Variants in AFF3 observed in about 807,000 individuals in gnomAD.
The protein encoded by AFF3 is AF4/FMR2 family member 3.
In AFF3, 32 loss-of-function variants were observed where a neutral mutation model predicts 129.7. That is an observed-to-expected ratio of 0.25 (90% confidence interval 0.19 to 0.33). AFF3 has a LOEUF of 0.33. Among genes scored for constraint, AFF3 ranks in the 10% least tolerant of loss-of-function variants. The pLI, the probability that AFF3 is intolerant of heterozygous loss-of-function variation, is 1.00. For missense variants in AFF3, 1,373 were observed against 1,592.0 expected (o/e 0.86, Z 2.34); for synonymous variants, 644 against 635.4 (o/e 1.01, Z -0.20).
chr2:100,026,341 C>T (rs1307473781), intron 4 of AFF3, among the ~76,000 whole-genome samples: 1 of 152,112 alleles, frequency 6.6e-6, no homozygotes, highest in Admixed American at 6.5e-5. Context: ...ATCAAAACCA[C>T]AATGTGATGC....
chr2:99,924,954 C>T (rs980428729), intron 7 of AFF3, among the ~76,000 whole-genome samples: 1 of 151,680 alleles, frequency 6.6e-6, no homozygotes, highest in Non-Finnish European at 1.5e-5. Flanking sequence ...TGGCTCACTG[C>T]AGCCTTGACC....
At chr2:99,754,561 C>T (rs772022167) in intron 8 of AFF3, among the ~76,000 whole-genome samples, 74 of 152,136 alleles carry the variant, frequency 4.9e-4, no homozygotes, top group Non-Finnish European at 9.0e-4. Context: ...ATTATTTCAG[C>T]GTGTCCTCCA....
intron 7 of AFF3, among the ~76,000 whole-genome samples, chr2:99,887,893 G>A (rs1028524923): frequency 1.2e-4 from 19 of 152,156 alleles, no homozygotes; most frequent in Non-Finnish European, 2.4e-4. Flanking sequence ...GCTGTGTAGG[G>A]AAGAGACAGG....
At chr2:99,933,771 G>A (rs1674266642) in intron 7 of AFF3, among the ~76,000 whole-genome samples, 1 of 152,152 alleles carries the variant, frequency 6.6e-6, no homozygotes, top group Admixed American at 6.5e-5. Flanking sequence ...TTGGTTCCAA[G>A]TCTTTGCTAT....
In AFF3 at chr2:99,880,233, G is replaced by A. The variant is rs191413710; in HGVS notation, c.874-42709C>T. On this transcript the variant is annotated intron_variant, in intron 7 of 24. Coordinates refer to ENST00000672756, the MANE Select transcript of AFF3 (RefSeq NM_001386135.1). ...CCTGGAACGGGAGTGAAATGACAAC[G>A]AAACATTTGTACATGTTATTAAAGC... 3.3e-4 allele frequency among the ~76,000 whole-genome samples: 50 copies of A among 152,276 alleles called. No homozygotes were observed. The East Asian group carries it at 6.6e-3, about 20-fold the overall frequency.
chr2:99,861,038 T>G (rs10177640), intron 7 of AFF3, among the ~76,000 whole-genome samples: 147 of 152,282 alleles, frequency 9.7e-4, no homozygotes, highest in African/African-American at 3.4e-3. Context: ...CAGCTCCCCC[T>G]TTGAATTTAG....
chr2:99,788,141 T>TA (rs1227513640), intron 8 of AFF3, among the ~76,000 whole-genome samples: 1 of 152,202 alleles, frequency 6.6e-6, no homozygotes, highest in Non-Finnish European at 1.5e-5. Flanking sequence ...GTACAGTACA[T>TA]ACTATTTCAT....
At chr2:99,666,562 A>G (rs149756737) in intron 12 of AFF3, among the ~76,000 whole-genome samples, 1 of 152,320 alleles carries the variant, frequency 6.6e-6, no homozygotes, top group East Asian at 1.9e-4. Flanking sequence ...CAATAATTAC[A>G]TTAAATGTAA....
intron 8 of AFF3, among the ~76,000 whole-genome samples, chr2:99,816,290 T>C (rs1687228429): frequency 6.6e-6 from 1 of 152,250 alleles, no homozygotes; most frequent in Admixed American, 6.5e-5. Context: ...ACATATTGAT[T>C]GTAGCCATTT....
chr2:99,832,342 G>C (rs949661337), intron 8 of AFF3, among the ~76,000 whole-genome samples: 5 of 152,204 alleles, frequency 3.3e-5, no homozygotes, highest in African/African-American at 1.2e-4. Flanking sequence ...TGGACTTCCA[G>C]TATTCCTTTA....
At chr2:100,056,078 C>G (rs1324119526) in intron 4 of AFF3, among the ~76,000 whole-genome samples, 2 of 150,742 alleles carry the variant, frequency 1.3e-5, no homozygotes, top group Non-Finnish European at 3.0e-5. Context: ...CACACACACA[C>G]ACACACACAC....
At chr2:99,556,963 A>G (rs1239913642) in intron 22 of AFF3, among the ~76,000 whole-genome samples, 1 of 152,132 alleles carries the variant, frequency 6.6e-6, no homozygotes, top group Admixed American at 6.6e-5. Context: ...TTCAGTTATC[A>G]GGAATAAGTT....
chr2:100,125,919 T>A (rs1692167442), intron 2 of AFF3, among the ~76,000 whole-genome samples: 1 of 152,180 alleles, frequency 6.6e-6, no homozygotes, highest in Non-Finnish European at 1.5e-5. Flanking sequence ...AGGATGCTGA[T>A]GAACTGCTCA....
At chr2:100,035,752 T>C (rs1000114972) in intron 4 of AFF3, among the ~76,000 whole-genome samples, 2 of 152,208 alleles carry the variant, frequency 1.3e-5, no homozygotes, top group African/African-American at 4.8e-5. Context: ...ATATAGGATG[T>C]ATGTGATCTT....
At chr2:99,556,174 T>C (rs546793401) in intron 22 of AFF3, among the ~76,000 whole-genome samples, 1 of 152,326 alleles carries the variant, frequency 6.6e-6, no homozygotes, top group South Asian at 2.1e-4. Flanking sequence ...AAGAAGGCAG[T>C]GACTCACGCC....
intron 7 of AFF3, among the ~76,000 whole-genome samples, chr2:99,894,842 G>C (rs1350304049): frequency 6.6e-6 from 1 of 152,154 alleles, no homozygotes; most frequent in Non-Finnish European, 1.5e-5. Flanking sequence ...ACATCACACA[G>C]TACAAAAGCA....
rs34843347 is a variant in AFF3, at chr2:99,563,810, C to CAAAAA, written c.3119+1672_3119+1676dup. ...GGGCAGTAAGAGTGAAATTTAGTCTCAAAAAAAAAAAAAAAAAAAAAAAGA... is the reference window on the plus strand; with the variant it reads ...GGGCAGTAAGAGTGAAATTTAGTCTCAAAAAAAAAAAAAAAAAAAAAAAAAAAAGA... On this transcript the variant is annotated intron_variant, in intron 20 of 24. Transcript: ENST00000672756. Among the ~76,000 whole-genome samples, 115 of 74,266 alleles carry CAAAAA rather than the reference C, an allele frequency of 1.5e-3. 1 individual carries two copies. Among genetic ancestry groups the CAAAAA allele is most frequent in the East Asian group, 2.0e-3 (4 of 1,980 alleles). The allele number at this position is 74,266 out of a possible 152,430, so 48.7% of individuals were successfully genotyped here. A position where few individuals can be genotyped will look rare whatever the true frequency, so the allele number is the denominator to read the frequency against.
At chr2:99,965,580 C>A (rs993092166) in intron 7 of AFF3, among the ~76,000 whole-genome samples, 3 of 152,244 alleles carry the variant, frequency 2.0e-5, no homozygotes, top group African/African-American at 7.2e-5. Flanking sequence ...GCCAAGATCA[C>A]AATCCTATAT....
chr2:100,018,518 C>T (rs911308127), intron 4 of AFF3, among the ~76,000 whole-genome samples: 2 of 152,186 alleles, frequency 1.3e-5, no homozygotes, highest in Non-Finnish European at 2.9e-5. Context: ...GAACAAGTGT[C>T]AGGCTCTAAT....
Sources: allele counts gnomAD v4.1 joint callset (sites outside exome capture counted in the v4.1 genomes callset), GRCh38; gene constraint gnomAD v4.1.1; transcripts MANE v1.5; gene names NCBI Gene and HGNC (gene_info 2026-07-23, HGNC 2026-07-21).